The following FAM98A variants were observed in gnomAD, a reference collection of about 807,000 sequenced individuals.
FAM98A encodes the protein tRNA splicing ligase complex subunit 3A, also known as protein FAM98A.
FAM98A carries 25 observed loss-of-function variants against 62.9 expected under a neutral mutation model. That is an observed-to-expected ratio of 0.40 (90% confidence interval 0.29 to 0.56). FAM98A has a LOEUF of 0.56. Among genes scored for constraint, FAM98A ranks in the 20% least tolerant of loss-of-function variants. The pLI is 0.51. For synonymous variants in FAM98A, 252 were observed against 228.6 expected (o/e 1.10, Z -0.92); for missense variants, 653 against 640.7 (o/e 1.02, Z -0.21).
chr2:33,585,747 TAAG>T, intron 6 of FAM98A, 50 bp from the exon 7 acceptor site: 1 of 1,519,530 alleles, frequency 6.6e-7, no homozygotes, highest in Non-Finnish European at 9.0e-7. Flanking sequence ...CAAAATGACA[TAAG>T]AAACACATAT....
intron 1 of FAM98A, among the ~76,000 whole-genome samples, chr2:33,598,739 G>A (rs1374665184): frequency 6.6e-6 from 1 of 152,078 alleles, no homozygotes; most frequent in African/African-American, 2.4e-5. Context: ...AGTGGGGTGG[G>A]GTAGGAGGAG....
chr2:33,584,795 C>A lies in FAM98A; in HGVS notation c.1538G>T (p.Gly513Val), dbSNP rs1677495770. 1.9e-6 allele frequency: 3 copies of A among 1,605,546 alleles called. No individual in the cohort carries two copies. The highest frequency in any genetic ancestry group is 2.6e-6 in the Non-Finnish European group (3 of 1,173,322). The change falls in exon 8 of 8, where the codon GGA becomes GTA. Residue 513 changes from glycine to valine, a missense_variant. Physicochemically the swap from Gly to Val is moderately radical, Grantham distance 109. Transcript: ENST00000238823. Reference protein sequence around the residue: ...YQYNHSGFGQGRHYTS With the variant: ...YQYNHSGFGQVRHYTS ...GTAGCCTCAACTAGTGTAATGTCTT[C>A]CCTGTCCAAATCCAGAATGATTATA... is the stretch of plus-strand genomic sequence containing the variant.
intron 1 of FAM98A, among the ~76,000 whole-genome samples, chr2:33,596,406 A>T (rs1024858786): frequency 3.3e-5 from 5 of 152,184 alleles, no homozygotes; most frequent in Non-Finnish European, 7.3e-5. Flanking sequence ...ATATAATTTT[A>T]AAAAATTTAA....
At chr2:33,586,182 C>A (rs1677543072) in intron 6 of FAM98A, among the ~76,000 whole-genome samples, 1 of 152,142 alleles carries the variant, frequency 6.6e-6, no homozygotes, top group South Asian at 2.1e-4. Flanking sequence ...ACCAAATTCT[C>A]CAATTGTCTA....
chr2:33,584,480 T>C lies in FAM98A; in HGVS notation c.*296A>G. 2 of 357,292 alleles carry C rather than the reference T, an allele frequency of 5.6e-6. No individual in the cohort carries two copies. Among genetic ancestry groups the C allele is most frequent in the Non-Finnish European group, 1.0e-5 (2 of 198,182 alleles). The allele number at this position is 357,292 out of a possible 1,614,324, so 22.1% of individuals were successfully genotyped here. On this transcript the variant is annotated 3_prime_UTR_variant, in exon 8 of 8. Coordinates refer to ENST00000238823, the MANE Select transcript of FAM98A (RefSeq NM_015475.5). The stretch of plus-strand genomic sequence containing the variant: ...TATTCAAGTAATTTCTTCAAAAAAG[T>C]TTGCATGTTCTGACTGTGGAATTAG...
chr2:33,586,845 C>T (rs770959031), intron 5 of FAM98A, 167 bp from the exon 6 acceptor site: 9 of 586,166 alleles, frequency 1.5e-5, no homozygotes, highest in Non-Finnish European at 2.7e-5. Context: ...TGATAGGTGA[C>T]AAAAAGCTGA....
intron 1 of FAM98A, among the ~76,000 whole-genome samples, chr2:33,598,410 A>T (rs1469683631): frequency 6.6e-6 from 1 of 152,222 alleles, no homozygotes; most frequent in African/African-American, 2.4e-5. Context: ...GATCTGGGTG[A>T]CCCAGTGAGA....
chr2:33,594,290 T>A, intron 2 of FAM98A, among the ~76,000 whole-genome samples: 1 of 151,700 alleles, frequency 6.6e-6, no homozygotes, highest in Non-Finnish European at 1.5e-5. Context: ...CAAGCCATCA[T>A]CCTCCACAAA....
At chr2:33,589,337 T>G (rs1165691461) in intron 3 of FAM98A, 1 of 152,192 alleles carries the variant, frequency 6.6e-6, no homozygotes, top group Non-Finnish European at 1.5e-5. Flanking sequence ...TCCTTTAACA[T>G]TCCCAAGGAC....
Position 33,584,858 on chromosome 2 carries a change from C to T in FAM98A, c.1475G>A (p.Gly492Asp). 1.2e-6 allele frequency: 2 copies of T among 1,614,104 alleles called. No individual in the cohort carries two copies. Among genetic ancestry groups the T allele is most frequent in the Non-Finnish European group, 1.7e-6 (2 of 1,180,010 alleles). ...GRGSQNYHQG[G>D]QFEQHFQHGG... ...ATGCTGGAAATGCTGTTCAAATTGACCCCCTTGGTGATAATTCTGGCTCCC... is the reference window on the plus strand; with the variant it reads ...ATGCTGGAAATGCTGTTCAAATTGATCCCCTTGGTGATAATTCTGGCTCCC... Residue 492 changes from glycine (G) to aspartate (D), a missense_variant, in exon 8 of 8, where the codon GGT (glycine) becomes GAT (aspartate). Transcript: ENST00000238823.
chr2:33,584,984 T>C lies in FAM98A; in HGVS notation c.1349A>G (p.Asp450Gly). 1 of 1,613,948 alleles carries C rather than the reference T, an allele frequency of 6.2e-7. No homozygotes were observed. The highest frequency in any genetic ancestry group is 8.5e-7 in the Non-Finnish European group (1 of 1,179,968). The change falls in exon 8 of 8, where the codon GAT becomes GGT. Residue 450 changes from aspartate to glycine, a missense_variant. Physicochemically the swap from Asp to Gly is moderately conservative, Grantham distance 94. Transcript: ENST00000238823. ...GGYQQDNRYQ[D>G]GGHHGDRGGG... ...ACCACGATCACCATGGTGCCCGCCA[T>C]CTTGGTATCTATTGTCCTGCTGGTA...
intron 2 of FAM98A, among the ~76,000 whole-genome samples, chr2:33,594,858 C>T (rs1462877520): frequency 6.6e-6 from 1 of 152,016 alleles, no homozygotes; most frequent in African/African-American, 2.4e-5. Context: ...TTACCTACAG[C>T]AGGAAGGAAC....
At chr2:33,592,715 T>C (rs948697165) in intron 2 of FAM98A, among the ~76,000 whole-genome samples, 4 of 152,218 alleles carry the variant, frequency 2.6e-5, no homozygotes, top group Non-Finnish European at 5.9e-5. Context: ...TTCTCTTATT[T>C]GGGAGTCTTT....
chr2:33,592,954 T>A (rs1021485346), intron 2 of FAM98A, among the ~76,000 whole-genome samples: 3 of 152,202 alleles, frequency 2.0e-5, no homozygotes, highest in Non-Finnish European at 2.9e-5. Flanking sequence ...GTGACAGATA[T>A]GTCCTCTACT....
chr2:33,585,365 T>C lies in FAM98A; in HGVS notation c.968A>G (p.Gln323Arg). 6.2e-7 allele frequency: 1 copy of C among 1,614,186 alleles called. No homozygotes were observed. Among genetic ancestry groups the C allele is most frequent in the Non-Finnish European group, 8.5e-7 (1 of 1,180,030 alleles). ...EPPPPEMPPW[Q>R]KRQDGPQQQT... ...CTGCTGGGGGCCATCTTGCCTCTTC[T>C]GCCACGGTGGCATCTCTGGGGGTGG... The change falls in exon 8 of 8, where the codon CAG (glutamine) becomes CGG (arginine). Residue 323 changes from glutamine (Q) to arginine (R), a missense_variant. Physicochemically the swap from Gln to Arg is conservative, Grantham distance 43. Coordinates refer to ENST00000238823, the MANE Select transcript of FAM98A (RefSeq NM_015475.5).
chr2:33,592,355 C>A, intron 2 of FAM98A, 141 bp from the exon 3 acceptor site: 1 of 677,068 alleles, frequency 1.5e-6, no homozygotes, highest in South Asian at 2.3e-5. Context: ...TTTCTTACAC[C>A]ACTGCAAAGT....
chr2:33,586,494 T>C, intron 6 of FAM98A, 68 bp downstream of exon 6: 1 of 1,055,134 alleles, frequency 9.5e-7, no homozygotes, highest in South Asian at 1.4e-5. Flanking sequence ...GCCAAGTAGC[T>C]AAATTGTTTA....
chr2:33,588,641 A>T, intron 3 of FAM98A, 122 bp from the exon 4 acceptor site: 1 of 638,732 alleles, frequency 1.6e-6, no homozygotes, highest in Non-Finnish European at 2.4e-6. Flanking sequence ...ATGGATAAAA[A>T]CAAGAAAGAA....
At chr2:33,596,337 A>G (rs1383480767) in intron 1 of FAM98A, among the ~76,000 whole-genome samples, 1 of 152,194 alleles carries the variant, frequency 6.6e-6, no homozygotes, top group Non-Finnish European at 1.5e-5. Flanking sequence ...TTAGGTTAAT[A>G]AATATTGGCA....
Sources: gnomAD v4.1 joint callset for allele counts (sites outside exome capture counted in the v4.1 genomes callset) on GRCh38, gnomAD v4.1.1 for gene constraint, MANE v1.5 for transcripts, NCBI Gene and HGNC (gene_info 2026-07-23, HGNC 2026-07-21) for gene names.